The following ATXN7 variants were observed in gnomAD, a reference collection of about 807,000 sequenced individuals.
The protein encoded by ATXN7 is ataxin 7, also known as ataxin-7.
A neutral mutation model predicts 70.5 loss-of-function variants in ATXN7; 12 were observed. That is an observed-to-expected ratio of 0.17 (90% CI 0.11 to 0.28). ATXN7 has a LOEUF of 0.28. Ranked by LOEUF, ATXN7 falls within the 10% of genes least tolerant of loss-of-function variation. ATXN7 has a pLI of 1.00. For synonymous variants in ATXN7, 498 were observed against 448.7 expected, an observed-to-expected ratio of 1.11 and a Z score of -1.39; for missense variants, 1,256 against 1,131.7, an observed-to-expected ratio of 1.11 and a Z score of -1.58.
intron 1 of ATXN7, among the ~76,000 whole-genome samples, chr3:63,890,874 G>T (rs1273998754): frequency 1.3e-5 from 2 of 152,198 alleles, no homozygotes; most frequent in African/African-American, 4.8e-5. Flanking sequence ...CTGCCCTCCT[G>T]TAAGTACTTG....
At chr3:63,963,783 T>G (rs573469914) in intron 5 of ATXN7, among the ~76,000 whole-genome samples, 2 of 151,438 alleles carry the variant, frequency 1.3e-5, no homozygotes, top group African/African-American at 4.9e-5. Flanking sequence ...GTTTCTTGCT[T>G]TTTGTCTGTG....
chr3:63,958,664 G>T (rs1259614710), intron 5 of ATXN7, among the ~76,000 whole-genome samples: 2 of 145,130 alleles, frequency 1.4e-5, no homozygotes, highest in African/African-American at 5.7e-5. Flanking sequence ...GAAAGAAAAT[G>T]TTTTTTTTCT....
intron 5 of ATXN7, among the ~76,000 whole-genome samples, chr3:63,954,179 G>A (rs1359411578): frequency 6.6e-6 from 1 of 152,200 alleles, no homozygotes; most frequent in Non-Finnish European, 1.5e-5. Flanking sequence ...CTGAGTTGTG[G>A]ACAATACAGA....
At chr3:63,910,637 T>G (rs1310812920) in intron 2 of ATXN7, among the ~76,000 whole-genome samples, 2 of 152,210 alleles carry the variant, frequency 1.3e-5, no homozygotes, top group African/African-American at 4.8e-5. Context: ...ATTTTTCTCA[T>G]TGATAGTCTT....
intron 4 of ATXN7, among the ~76,000 whole-genome samples, chr3:63,937,520 T>G (rs116146355): frequency 1.4e-3 from 214 of 152,308 alleles, no homozygotes; most frequent in African/African-American, 4.8e-3. Flanking sequence ...TTAAGTAGTA[T>G]TATGTGTAAA....
chr3:63,949,833 G>A (rs1310378257), intron 4 of ATXN7, among the ~76,000 whole-genome samples: 1 of 152,102 alleles, frequency 6.6e-6, no homozygotes, highest in Non-Finnish European at 1.5e-5. Flanking sequence ...CGAGTTTTCC[G>A]GTCACACAAA....
At chr3:63,968,556 T>C (rs2075263299) in intron 5 of ATXN7, 1 of 152,200 alleles carries the variant, frequency 6.6e-6, no homozygotes, top group Admixed American at 6.5e-5. Flanking sequence ...ACAGCAAAGT[T>C]TCAAACAGAA....
At chr3:63,936,551 G>C (rs964244729) in intron 4 of ATXN7, among the ~76,000 whole-genome samples, 3 of 152,152 alleles carry the variant, frequency 2.0e-5, no homozygotes, top group Non-Finnish European at 2.9e-5. Flanking sequence ...AGAGACTGTC[G>C]TGTTTACCTT....
chr3:63,990,426 G>C (rs1285591631), intron 10 of ATXN7, 52 bp downstream of exon 10: 2 of 1,600,964 alleles, frequency 1.2e-6, no homozygotes, highest in African/African-American at 2.7e-5. Context: ...GCATGGACAG[G>C]GCACTGCAGG....
chr3:63,995,736 G>A lies in ATXN7; in HGVS notation c.1914G>A (p.Val638=), dbSNP rs1283070259. The change falls in exon 12 of 13, where the codon GTG becomes GTA. Residue 638 remains valine, a synonymous_variant. Transcript: ENST00000674280. ...QPAASGAMDP[V]CSMQSRQVSS... ...CTGCTTCAGGGGCGATGGATCCTGT[G>A]TGCAGTATGCAATCCAGACAAGTGT... The A allele has an allele frequency of 1.9e-6, 3 of 1,614,096 alleles. No homozygotes were observed. Among genetic ancestry groups the A allele is most frequent in the South Asian group, 1.1e-5 (1 of 91,090 alleles).
At chr3:63,981,886 A>G (rs1272839181) in intron 6 of ATXN7, among the ~76,000 whole-genome samples, 3 of 152,228 alleles carry the variant, frequency 2.0e-5, no homozygotes, top group African/African-American at 4.8e-5. Context: ...CTTCTTATAG[A>G]AATTGCATTG....
rs745368089 is a variant in ATXN7, at chr3:63,995,950, A to G, written c.2128A>G (p.Ser710Gly). ...CGGCTCAGGAAAGAAACGCAAAAAC[A>G]GTTCCCCACTGTTGGTTCACTCTTC... ...SGGSGKKRKN[S>G]SPLLVHSSSS... is the part of the protein sequence containing the mutation. Residue 710 changes from serine (S) to glycine (G), a missense_variant, in exon 12 of 13, where the codon AGT becomes GGT. Coordinates refer to ENST00000674280, the MANE Select transcript of ATXN7 (RefSeq NM_001377405.1). 3.7e-6 allele frequency: 6 copies of G among 1,614,154 alleles called. No individual in the cohort carries two copies. The highest frequency in any genetic ancestry group is 1.1e-5 in the South Asian group (1 of 91,086).
Position 63,906,614 on chromosome 3 carries a change from A to C in ATXN7, c.-11-5974A>C, listed in dbSNP as rs554397474. On this transcript the variant is annotated intron_variant, in intron 2 of 12. Coordinates refer to ENST00000674280, the MANE Select transcript of ATXN7 (RefSeq NM_001377405.1). ...GTCCTGTGATATAGAGGTGGGGATG[A>C]GTTCCCATGTATGTGCTTAGTGAGA... Among the ~76,000 whole-genome samples the C allele has an allele frequency of 8.5e-4, 130 of 152,350 alleles. No homozygotes were observed. The Middle Eastern group carries it at 0.014, about 16-fold the overall frequency.
rs868854400 is a variant in ATXN7, at chr3:63,912,714, A to C, written c.116A>C (p.Gln39Pro). 497 of 1,212,584 alleles carry C rather than the reference A, an allele frequency of 4.1e-4. 1 individual carries two copies. The highest frequency in any genetic ancestry group is 2.3e-3 in the Middle Eastern group (7 of 2,998). 75.1% of individuals were successfully genotyped at this position (1,212,584 alleles called of 1,614,324 possible). ...CAGCAGCAGCAGCAGCAGCAGCAGC[A>C]GCCGCCGCCTCCGCAGCCCCAGCGG... Reference protein sequence around the residue: ...RQQQQQQQQQQPPPPQPQRQQ... With the variant: ...RQQQQQQQQQPPPPPQPQRQQ... Residue 39 changes from glutamine (Q) to proline (P), a missense_variant, in exon 3 of 13, where the codon CAG becomes CCG. Gln to Pro is a moderately conservative substitution (Grantham distance 76). Coordinates refer to ENST00000674280, the MANE Select transcript of ATXN7 (RefSeq NM_001377405.1).
At chr3:63,903,867 G>A (rs754012046) in intron 2 of ATXN7, 16 of 152,140 alleles carry the variant, frequency 1.1e-4, no homozygotes, top group Non-Finnish European at 1.8e-4. Flanking sequence ...TTCAAGATAA[G>A]TCAATCTGGA....
At chr3:63,973,130 A>G (rs1202323810) in intron 5 of ATXN7, among the ~76,000 whole-genome samples, 3 of 152,198 alleles carry the variant, frequency 2.0e-5, no homozygotes, top group African/African-American at 4.8e-5. Flanking sequence ...GGGTCACCCA[A>G]TTAGTAACTG....
rs908787789 is a variant in ATXN7, at chr3:63,996,692, T to C, written c.2661+209T>C. On this transcript the variant is annotated intron_variant, in intron 12 of 12. Coordinates refer to ENST00000674280, the MANE Select transcript of ATXN7 (RefSeq NM_001377405.1). ...CAGGCTCTTCTGCCAGAATTTCTGG[T>C]GCCTTTGGAAGATGTTCTTCAGTAA... 8 of 616,798 alleles carry C rather than the reference T, an allele frequency of 1.3e-5. No individual in the cohort carries two copies. The East Asian group carries it at 2.0e-4, about 15-fold the overall frequency. 38.2% of individuals were successfully genotyped at this position (616,798 alleles called of 1,614,324 possible).
intron 4 of ATXN7, among the ~76,000 whole-genome samples, chr3:63,919,358 C>G (rs552402826): frequency 4.5e-4 from 69 of 152,266 alleles, no homozygotes; most frequent in Non-Finnish European, 6.2e-4. Flanking sequence ...GACCACTGTT[C>G]TGATGAATTC....
rs181292118 is a variant in ATXN7, at chr3:63,974,305, G to T, written c.500-5610G>T. ...CTGAATATACCAAAAAACTGTCATCGATGACAAATGTTCAGCCTATGCAGA... is the reference window on the plus strand; with the variant it reads ...CTGAATATACCAAAAAACTGTCATCTATGACAAATGTTCAGCCTATGCAGA... On this transcript the variant is annotated intron_variant, in intron 5 of 12. Transcript: ENST00000674280. Among the ~76,000 whole-genome samples the T allele has an allele frequency of 5.4e-4, 83 of 152,302 alleles. 1 individual carries two copies. In the East Asian group the frequency reaches 0.013, roughly 23 times the overall value.
Sources: gnomAD v4.1 joint callset for allele counts (sites outside exome capture counted in the v4.1 genomes callset) on GRCh38, gnomAD v4.1.1 for gene constraint, MANE v1.5 for transcripts, NCBI Gene and HGNC (gene_info 2026-07-23, HGNC 2026-07-21) for gene names.